The following UST variants were observed in gnomAD, a reference collection of about 807,000 sequenced individuals.
The protein encoded by UST is uronyl 2-sulfotransferase, also known as chondroitin sulfate 2-O-sulfotransferase.
In UST, 21 loss-of-function variants were observed where a neutral mutation model predicts 45.6. That is an observed-to-expected ratio of 0.46 (90% confidence interval 0.33 to 0.66). The LOEUF (loss-of-function observed/expected upper bound fraction) is 0.66. UST is among the 30% of genes least tolerant of loss of function. The pLI, the probability that UST is intolerant of heterozygous loss-of-function variation, is 0.02. For missense variants in UST, 463 were observed against 512.4 expected (o/e 0.90, Z 0.93); for synonymous variants, 215 against 200.6 (o/e 1.07, Z -0.61).
intron 7 of UST, among the ~76,000 whole-genome samples, chr6:149,058,643 C>T (rs112531428): frequency 2.0e-5 from 3 of 152,148 alleles, no homozygotes; most frequent in Non-Finnish European, 4.4e-5. Context: ...CTTCATAATA[C>T]GATTTCAAAT....
intron 3 of UST, among the ~76,000 whole-genome samples, chr6:148,951,893 T>A (rs779283318): frequency 9.2e-5 from 14 of 152,260 alleles, no homozygotes; most frequent in Admixed American, 2.0e-4. Context: ...TTATGACTAT[T>A]ATGACACTGT....
chr6:148,788,917 T>A (rs566150940), intron 1 of UST, among the ~76,000 whole-genome samples: 6 of 152,328 alleles, frequency 3.9e-5, no homozygotes, highest in Admixed American at 3.9e-4. Flanking sequence ...GGCTGGCCCA[T>A]TTTCACATGG....
intron 1 of UST, among the ~76,000 whole-genome samples, chr6:148,849,275 A>G (rs1778059943): frequency 1.3e-5 from 2 of 152,180 alleles, no homozygotes; most frequent in South Asian, 4.1e-4. Context: ...GTAGCCATAG[A>G]GCTGAATGTA....
chr6:149,001,632 C>T (rs1190459766), intron 5 of UST, among the ~76,000 whole-genome samples: 2 of 152,102 alleles, frequency 1.3e-5, no homozygotes, highest in African/African-American at 4.8e-5. Flanking sequence ...CCCAGCTAAA[C>T]AATCATTCCA....
At chr6:149,058,658 T>A (rs1341511502) in intron 7 of UST, among the ~76,000 whole-genome samples, 1 of 152,166 alleles carries the variant, frequency 6.6e-6, no homozygotes, top group Non-Finnish European at 1.5e-5. Flanking sequence ...TCAAATAAAG[T>A]AACAAACGTA....
At chr6:148,913,463 C>A (rs534108329) in intron 2 of UST, among the ~76,000 whole-genome samples, 1 of 113,396 alleles carries the variant, frequency 8.8e-6, no homozygotes, top group Non-Finnish European at 1.7e-5. Flanking sequence ...ATTGGAATGA[C>A]CAAGGAACCA....
chr6:149,075,324 C>T lies in UST; in HGVS notation c.*1208C>T, dbSNP rs1776876248. On this transcript the variant is annotated 3_prime_UTR_variant, in exon 8 of 8. Coordinates refer to ENST00000367463, the MANE Select transcript of UST (RefSeq NM_005715.3). ...TACCTGTTTTCAGTAAAAAGGGGTC[C>T]TGAGTTCTGTGCAGGTGGAAGAGCT... 1 of 152,188 alleles carries T rather than the reference C, an allele frequency of 6.6e-6. No homozygotes were observed. Among genetic ancestry groups the T allele is most frequent in the South Asian group, 2.1e-4 (1 of 4,824 alleles). The allele number at this position is 152,188 out of a possible 1,614,324, so 9.4% of individuals were successfully genotyped here.
intron 5 of UST, among the ~76,000 whole-genome samples, chr6:148,970,827 C>G (rs771866603): frequency 2.0e-5 from 3 of 152,190 alleles, no homozygotes; most frequent in African/African-American, 7.2e-5. Flanking sequence ...CTTCTACCAT[C>G]TCATTTCTCT....
At chr6:148,856,278 A>C (rs112238990) in intron 1 of UST, among the ~76,000 whole-genome samples, 2,038 of 152,238 alleles carry the variant, frequency 0.013, 30 homozygotes, top group Admixed American at 0.025. Flanking sequence ...GGCCTCCCAA[A>C]GTGCTGGGAT....
rs766334002 is a variant in UST at position 148,941,461 on chromosome 6, T to C, written c.447+27T>C. On this transcript the variant is annotated intron_variant, in intron 3 of 7. Coordinates refer to ENST00000367463, the MANE Select transcript of UST (RefSeq NM_005715.3). ...TAAGTTGACTTTGCACATTGTTAAA[T>C]TGTGTTTTGCTTCAGCTCATTTGTG... 7 of 1,573,144 alleles carry C rather than the reference T, an allele frequency of 4.4e-6. No homozygotes were observed. The East Asian group carries it at 1.1e-4, about 25-fold the overall frequency.
chr6:148,851,281 A>ATT lies in UST; in HGVS notation c.248-35705_248-35704insTT, dbSNP rs1562276916. ...AAGTATGTATAATATATTTGTATAC[A>ATT]CACACATATATATACGTACACATTT... On this transcript the variant is annotated intron_variant, in intron 1 of 7. Coordinates refer to ENST00000367463, the MANE Select transcript of UST (RefSeq NM_005715.3). Among the ~76,000 whole-genome samples, 750 of 152,364 alleles carry ATT rather than the reference A, an allele frequency of 4.9e-3. 10 individuals are homozygous for ATT. The highest frequency in any genetic ancestry group is 0.016 in the African/African-American group (680 of 41,590).
rs548868229 is a variant in UST, at chr6:148,951,824, TAGAA to T, written c.448-2044_448-2041del. ...TGATTCTATGTTTAAAGATAACGTC[TAGAA>T]AGAGTTATACATTGTCACTGCTAAT... is the stretch of plus-strand genomic sequence containing the variant. On this transcript the variant is annotated intron_variant, in intron 3 of 7. Transcript: ENST00000367463. 1.1e-3 allele frequency among the ~76,000 whole-genome samples: 172 copies of T among 152,374 alleles called. 1 individual carries two copies. In the Middle Eastern group the frequency reaches 0.02, roughly 18 times the overall value.
chr6:148,923,930 C>T (rs900352394), intron 2 of UST, among the ~76,000 whole-genome samples: 26 of 152,298 alleles, frequency 1.7e-4, no homozygotes, highest in Admixed American at 7.2e-4. Flanking sequence ...CCTCGGTTTC[C>T]TCGTCAGTAA....
intron 1 of UST, among the ~76,000 whole-genome samples, chr6:148,864,050 A>G (rs1778374793): frequency 6.6e-6 from 1 of 152,214 alleles, no homozygotes; most frequent in Non-Finnish European, 1.5e-5. Context: ...GGGACGTTTA[A>G]GTCTGCAGAG....
At chr6:148,893,002 TAAGAAAGA>T (rs1779049979) in intron 2 of UST, among the ~76,000 whole-genome samples, 3 of 152,136 alleles carry the variant, frequency 2.0e-5, no homozygotes, top group Non-Finnish European at 2.9e-5. Context: ...GTAATATCTC[TAAGAAAGA>T]ATAAAGTTAT....
At chr6:149,030,398 T>C (rs1715688748) in intron 7 of UST, among the ~76,000 whole-genome samples, 2 of 152,004 alleles carry the variant, frequency 1.3e-5, no homozygotes, top group Non-Finnish European at 2.9e-5. Flanking sequence ...CCCCAGCACC[T>C]TGGGAGGCCA....
At chr6:148,955,889 G>A (rs568378022) in intron 4 of UST, 3 of 152,326 alleles carry the variant, frequency 2.0e-5, no homozygotes, top group Non-Finnish European at 2.9e-5. Flanking sequence ...GCCATGGCCA[G>A]TATCTTAATT....
chr6:148,928,653 T>C (rs1158212639), intron 2 of UST, among the ~76,000 whole-genome samples: 2 of 152,370 alleles, frequency 1.3e-5, no homozygotes, highest in East Asian at 3.9e-4. Context: ...ATCAGATCTA[T>C]GCTGGTGGAT....
chr6:149,074,292 T>G lies in UST; in HGVS notation c.*176T>G. On this transcript the variant is annotated 3_prime_UTR_variant, in exon 8 of 8. Coordinates refer to ENST00000367463, the MANE Select transcript of UST (RefSeq NM_005715.3). ...TTTTGCGGGTTTTATTTGTTTAATT[T>G]TATTCTGTGTTTTCTCTTGGCTCTT... The G allele has an allele frequency of 1.4e-6, 1 of 693,100 alleles. No individual in the cohort carries two copies. The highest frequency in any genetic ancestry group is 2.7e-5 in the East Asian group (1 of 36,556). 42.9% of individuals were successfully genotyped at this position (693,100 alleles called of 1,614,324 possible).
Sources: allele counts gnomAD v4.1 joint callset (sites outside exome capture counted in the v4.1 genomes callset), GRCh38; gene constraint gnomAD v4.1.1; transcripts MANE v1.5; gene names NCBI Gene and HGNC (gene_info 2026-07-23, HGNC 2026-07-21).